GYPE: variants seen among roughly 807,000 people sequenced by gnomAD.
GYPE encodes the protein glycophorin E (MNS blood group).
Under a neutral mutation model 11.6 loss-of-function variants are expected in GYPE, and 8 were observed. The observed-to-expected ratio is 0.69, with a 90% CI of 0.41 to 1.25. The LOEUF (loss-of-function observed/expected upper bound fraction) is 1.25, where lower values mean the gene tolerates loss of function less well. Ranked by LOEUF, GYPE falls within the 50% of genes most tolerant of loss-of-function variation. The pLI is 0.01. For synonymous variants in GYPE, 28 were observed against 29.6 expected (o/e 0.94, Z 0.18); for missense variants, 90 against 92.8 (o/e 0.97, Z 0.12).
intron 1 of GYPE, among the ~76,000 whole-genome samples, chr4:143,901,645 T>TA (rs1744872880): frequency 1.3e-5 from 2 of 151,698 alleles, no homozygotes; most frequent in Admixed American, 6.6e-5. Context: ...GATTGGGTTT[T>TA]TTTTTTGAGC....
Position 143,890,284 on chromosome 4 carries a change from C to A in GYPE, c.38-9775G>T, listed in dbSNP as rs951892091. 5.3e-5 allele frequency among the ~76,000 whole-genome samples: 8 copies of A among 152,122 alleles called. No homozygotes were observed. The South Asian group carries it at 6.2e-4, about 12-fold the overall frequency. On this transcript the variant is annotated intron_variant, in intron 1 of 3. Coordinates refer to ENST00000358615, the MANE Select transcript of GYPE (RefSeq NM_198682.3). Reference sequence around the variant, plus strand: ...AGCCAAGCATATTCCAATCTGGTCACTCCTGCCTACTAAAGAATCCTCAGA... The same window carrying A: ...AGCCAAGCATATTCCAATCTGGTCAATCCTGCCTACTAAAGAATCCTCAGA...
intron 1 of GYPE, among the ~76,000 whole-genome samples, chr4:143,881,320 C>T (rs950324831): frequency 1.3e-5 from 2 of 151,848 alleles, no homozygotes; most frequent in Non-Finnish European, 2.9e-5. Context: ...AAATGCAATA[C>T]ATTTCAAATT....
chr4:143,904,132 G>C (rs1368148905), intron 1 of GYPE, among the ~76,000 whole-genome samples: 1 of 151,560 alleles, frequency 6.6e-6, no homozygotes, highest in Non-Finnish European at 1.5e-5. Context: ...TTTTCTTTCT[G>C]TAATTTTCTT....
At chr4:143,879,542 C>T (rs565513468) in intron 2 of GYPE, among the ~76,000 whole-genome samples, 1 of 152,232 alleles carries the variant, frequency 6.6e-6, no homozygotes, top group South Asian at 2.1e-4. Context: ...TCATGAGTTA[C>T]AGCTCGTGTA....
At chr4:143,881,593 T>C (rs1744024421) in intron 1 of GYPE, among the ~76,000 whole-genome samples, 1 of 152,186 alleles carries the variant, frequency 6.6e-6, no homozygotes, top group Non-Finnish European at 1.5e-5. Context: ...GACTTTCTAC[T>C]TAATATGCCA....
chr4:143,880,619 G>A, intron 1 of GYPE, 110 bp from the exon 2 acceptor site: 1 of 1,509,982 alleles, frequency 6.6e-7, no homozygotes, highest in South Asian at 1.1e-5. Context: ...CCTGAGCTAA[G>A]CGCTTTGGTA....
chr4:143,897,021 G>C (rs1231335627), intron 1 of GYPE, among the ~76,000 whole-genome samples: 1 of 152,088 alleles, frequency 6.6e-6, no homozygotes, highest in East Asian at 1.9e-4. Context: ...GTGGGGGCAG[G>C]GGGGAGGGAT....
intron 1 of GYPE, among the ~76,000 whole-genome samples, chr4:143,897,469 T>C (rs1282528360): frequency 1.3e-5 from 2 of 151,808 alleles, no homozygotes; most frequent in Non-Finnish European, 2.9e-5. Context: ...ATCTTGTCTC[T>C]AAAAAAAATT....
intron 1 of GYPE, among the ~76,000 whole-genome samples, chr4:143,880,738 G>C (rs541741875): frequency 3.3e-4 from 50 of 152,282 alleles, no homozygotes; most frequent in African/African-American, 1.2e-3. Flanking sequence ...GCATGGCAGA[G>C]GTTTACAGAT....
chr4:143,900,817 C>G (rs1389844559), intron 1 of GYPE, among the ~76,000 whole-genome samples: 1 of 151,982 alleles, frequency 6.6e-6, no homozygotes, highest in Non-Finnish European at 1.5e-5. Flanking sequence ...TTAGTGGTTT[C>G]CAGGGGCTGG....
At position 143,878,648 on chromosome 4, in the gene GYPE, G is replaced by T. The variant is rs1324060927; in HGVS notation, c.136+1763C>A. On this transcript the variant is annotated intron_variant, in intron 2 of 3. Transcript: ENST00000358615. The stretch of plus-strand genomic sequence containing the variant: ...TCAAATATTAACATATCTGCTTCAG[G>T]GAAACGATGGACAAGTTGTCCCCTT... 2.9e-5 allele frequency: 14 copies of T among 486,070 alleles called. 2 individuals are homozygous for T. The highest frequency in any genetic ancestry group is 6.1e-5 in the East Asian group (1 of 16,368). 30.1% of individuals were successfully genotyped at this position (486,070 alleles called of 1,614,324 possible). A position where few individuals can be genotyped will look rare whatever the true frequency, so the allele number is the denominator to read the frequency against.
chr4:143,880,300 C>G, intron 2 of GYPE, 111 bp downstream of exon 2: 1 of 1,548,778 alleles, frequency 6.5e-7, no homozygotes, highest in Non-Finnish European at 8.8e-7. Context: ...CTACTTAGCT[C>G]GCATTTCTCA....
intron 1 of GYPE, among the ~76,000 whole-genome samples, chr4:143,892,545 T>C (rs1421217704): frequency 4.5e-4 from 68 of 151,440 alleles, no homozygotes; most frequent in African/African-American, 1.4e-3. Context: ...ACATCTTTAT[T>C]TCTGCCTTCA....
rs549619089 is a variant in GYPE at position 143,894,365 on chromosome 4, C to A, written c.37+11106G>T. 2.6e-5 allele frequency among the ~76,000 whole-genome samples: 4 copies of A among 152,194 alleles called. No individual in the cohort carries two copies. The South Asian group carries it at 8.3e-4, about 32-fold the overall frequency. ...CCGTTGCTCGAGAGGAACTGTGTTC[C>A]TTTGGAGGAGGAGAGGTGCTCTGCT... On this transcript the variant is annotated intron_variant, in intron 1 of 3. Coordinates refer to ENST00000358615, the MANE Select transcript of GYPE (RefSeq NM_198682.3).
chr4:143,872,893 A>C, intron 3 of GYPE, among the ~76,000 whole-genome samples: 1 of 151,850 alleles, frequency 6.6e-6, no homozygotes, highest in Non-Finnish European at 1.5e-5. Flanking sequence ...TGAAGGGGGC[A>C]GGCCAGGTGA....
intron 1 of GYPE, among the ~76,000 whole-genome samples, chr4:143,896,767 A>T (rs536917583): frequency 2.0e-5 from 3 of 152,338 alleles, no homozygotes; most frequent in Non-Finnish European, 2.9e-5. Context: ...CAAATGTCCA[A>T]CAATGATAGA....
chr4:143,888,215 C>T (rs527437665), intron 1 of GYPE, among the ~76,000 whole-genome samples: 20 of 74,708 alleles, frequency 2.7e-4, no homozygotes, highest in Non-Finnish European at 4.8e-4. Flanking sequence ...AAATAATTGA[C>T]ATTTCTAACC....
At chr4:143,890,498 C>A (rs1313998584) in intron 1 of GYPE, among the ~76,000 whole-genome samples, 1 of 152,186 alleles carries the variant, frequency 6.6e-6, no homozygotes, top group African/African-American at 2.4e-5. Context: ...TCTGGTTGAA[C>A]AATACAAAAT....
At position 143,880,455 on chromosome 4, in the gene GYPE, G is replaced by A. The variant is rs747615639; in HGVS notation, c.92C>T (p.Thr31Ile). The change falls in exon 2 of 4, where the codon ACC becomes ATC. Residue 31 changes from threonine (T) to isoleucine (I), a missense_variant. Physicochemically the swap from Thr to Ile is moderately conservative, Grantham distance 89. Transcript: ENST00000358615. ...GTAACTCTTTGTGACTGAAGAAGAG[G>A]TTGAAGTGTGCATTGCCACACCAGT... Reference protein sequence around the residue: ...STTGVAMHTSTSSSVTKSYIS... With the variant: ...STTGVAMHTSISSSVTKSYIS... 1.7e-5 allele frequency: 28 copies of A among 1,613,892 alleles called. No individual in the cohort carries two copies. The highest frequency in any genetic ancestry group is 1.6e-4 in the Middle Eastern group (1 of 6,076).
Sources: gnomAD v4.1 joint callset for allele counts (sites outside exome capture counted in the v4.1 genomes callset) on GRCh38, gnomAD v4.1.1 for gene constraint, MANE v1.5 for transcripts, NCBI Gene and HGNC (gene_info 2026-07-23, HGNC 2026-07-21) for gene names.